RBM20: variants seen among roughly 807,000 people sequenced by gnomAD.
RBM20 encodes the protein RNA-binding protein 20.
RBM20 carries 51 observed loss-of-function variants against 110.1 expected under a neutral mutation model. The ratio of observed to expected loss-of-function variants is 0.46; its 90% CI spans 0.37 to 0.59. The LOEUF (loss-of-function observed/expected upper bound fraction) is 0.59, where lower values mean the gene tolerates loss of function less well. RBM20 is among the 20% of genes least tolerant of loss of function. The probability of loss-of-function intolerance (pLI) is 0.00; values close to 1 mark genes in which losing one functional copy is unlikely to be tolerated. For missense variants in RBM20, 1,512 were observed against 1,574.9 expected (o/e 0.96, Z 0.68); for synonymous variants, 589 against 618.2 (o/e 0.95, Z 0.70).
intron 11 of RBM20, chr10:110,822,393 C>T: frequency 2.2e-6 from 1 of 458,774 alleles, no homozygotes. Context: ...TACAGCTGTT[C>T]CCCTTCTTAC....
chr10:110,690,556 C>T (rs1862572484), intron 1 of RBM20, among the ~76,000 whole-genome samples: 1 of 152,312 alleles, frequency 6.6e-6, no homozygotes, highest in Non-Finnish European at 1.5e-5. Flanking sequence ...GTCCCTCTTC[C>T]CCCAGCTCCT....
At chr10:110,781,973 G>A in intron 2 of RBM20, 89 bp downstream of exon 2, 1 of 1,484,314 alleles carries the variant, frequency 6.7e-7, no homozygotes. Flanking sequence ...AATGGGCAAG[G>A]AACTGTTGCA....
chr10:110,794,796 C>T (rs1365166887), intron 5 of RBM20, among the ~76,000 whole-genome samples: 1 of 152,208 alleles, frequency 6.6e-6, no homozygotes, highest in Non-Finnish European at 1.5e-5. Context: ...CACTTAGTGC[C>T]TTTGGTAACG....
intron 1 of RBM20, among the ~76,000 whole-genome samples, chr10:110,741,365 A>T (rs184470941): frequency 6.6e-6 from 1 of 152,322 alleles, no homozygotes; most frequent in African/African-American, 2.4e-5. Context: ...TGAGCTCCAG[A>T]TGTCAGTATT....
intron 12 of RBM20, 114 bp from the exon 13 acceptor site, chr10:110,830,947 G>A (rs1845042958): frequency 5.6e-6 from 6 of 1,070,096 alleles, no homozygotes; most frequent in Non-Finnish European, 8.0e-6. Context: ...AAGGTCAACA[G>A]CAAGTGAGGG....
rs182739712 is a variant in RBM20, at chr10:110,736,848, G to A, written c.192-43953G>A. Among the ~76,000 whole-genome samples the A allele has an allele frequency of 1.8e-4, 28 of 152,182 alleles. No individual in the cohort carries two copies. In the East Asian group the frequency reaches 5.4e-3, roughly 29 times the overall value. The stretch of plus-strand genomic sequence containing the variant: ...GGTGGAGCCTTTGGGAAGCAATTAA[G>A]TCATGAAGGCATGAGTGGGATTAGT... On this transcript the variant is annotated intron_variant, in intron 1 of 13. Coordinates refer to ENST00000369519, the MANE Select transcript of RBM20 (RefSeq NM_001134363.3).
intron 1 of RBM20, among the ~76,000 whole-genome samples, chr10:110,696,428 G>A (rs937378778): frequency 6.6e-6 from 1 of 152,202 alleles, no homozygotes; most frequent in African/African-American, 2.4e-5. Flanking sequence ...GCTGATTGCT[G>A]GAGGGGATTG....
intron 1 of RBM20, among the ~76,000 whole-genome samples, chr10:110,691,226 C>G (rs1021282442): frequency 3.3e-5 from 5 of 152,284 alleles, no homozygotes; most frequent in Admixed American, 3.3e-4. Flanking sequence ...CTTGGACTTC[C>G]CAGCCTTCAG....
At chr10:110,676,234 G>C (rs1298898955) in intron 1 of RBM20, among the ~76,000 whole-genome samples, 2 of 152,134 alleles carry the variant, frequency 1.3e-5, no homozygotes, top group African/African-American at 4.8e-5. Flanking sequence ...ACATCCCAGG[G>C]GCTGAAATCA....
intron 9 of RBM20, 53 bp downstream of exon 9, chr10:110,813,000 A>C (rs1387129911): frequency 8.3e-7 from 1 of 1,202,638 alleles, no homozygotes; most frequent in Non-Finnish European, 1.1e-6. Context: ...GAAGGAGAAT[A>C]ATCATAATAA....
intron 1 of RBM20, among the ~76,000 whole-genome samples, chr10:110,677,566 C>T (rs990024935): frequency 1.3e-5 from 2 of 152,216 alleles, no homozygotes; most frequent in Non-Finnish European, 2.9e-5. Context: ...GATCTGCCTG[C>T]CTTGGCCTCC....
intron 1 of RBM20, among the ~76,000 whole-genome samples, chr10:110,730,870 G>C (rs1239907618): frequency 6.6e-6 from 1 of 152,162 alleles, no homozygotes; most frequent in African/African-American, 2.4e-5. Flanking sequence ...CATCCTTCCT[G>C]GTTTCTTTCT....
chr10:110,725,963 GGCAGTGGT>G (rs1417037119), intron 1 of RBM20, among the ~76,000 whole-genome samples: 1 of 149,060 alleles, frequency 6.7e-6, no homozygotes, highest in African/African-American at 2.5e-5. Flanking sequence ...CATCCTGGCA[GGCAGTGGT>G]GCTGAGCAGA....
At chr10:110,700,951 G>A (rs1170604604) in intron 1 of RBM20, among the ~76,000 whole-genome samples, 3 of 152,078 alleles carry the variant, frequency 2.0e-5, no homozygotes, top group South Asian at 4.2e-4. Context: ...GGAGATGGAG[G>A]TTGCAGTGAG....
intron 1 of RBM20, among the ~76,000 whole-genome samples, chr10:110,779,476 T>C (rs997111881): frequency 6.6e-6 from 1 of 152,230 alleles, no homozygotes; most frequent in African/African-American, 2.4e-5. Flanking sequence ...ATATCCTTTC[T>C]AATAAACCAG....
chr10:110,679,640 A>G (rs1862393496), intron 1 of RBM20, among the ~76,000 whole-genome samples: 1 of 152,186 alleles, frequency 6.6e-6, no homozygotes, highest in Admixed American at 6.5e-5. Flanking sequence ...TTGTTTTGAA[A>G]ATCAGGTGTG....
intron 13 of RBM20, among the ~76,000 whole-genome samples, chr10:110,833,712 C>A (rs1017677925): frequency 3.3e-5 from 5 of 152,224 alleles, no homozygotes; most frequent in African/African-American, 9.6e-5. Flanking sequence ...CAGGCAGACT[C>A]CCCTCCCCGC....
intron 1 of RBM20, among the ~76,000 whole-genome samples, chr10:110,681,602 C>T (rs575764331): frequency 1.7e-4 from 26 of 152,310 alleles, no homozygotes; most frequent in Admixed American, 5.9e-4. Flanking sequence ...TGCTGCTCCC[C>T]GTTAGCCTGA....
intron 1 of RBM20, among the ~76,000 whole-genome samples, chr10:110,660,788 A>T (rs1183454983): frequency 3.3e-5 from 5 of 152,088 alleles, no homozygotes; most frequent in African/African-American, 1.2e-4. Context: ...TTCCTTATAT[A>T]TTACAATAAA....
Sources: gnomAD v4.1 joint callset for allele counts (sites outside exome capture counted in the v4.1 genomes callset) on GRCh38, gnomAD v4.1.1 for gene constraint, MANE v1.5 for transcripts, NCBI Gene and HGNC (gene_info 2026-07-23, HGNC 2026-07-21) for gene names.